RREB1: variants seen among roughly 807,000 people sequenced by gnomAD.
RREB1 encodes the protein ras-responsive element-binding protein 1.
In RREB1, 27 loss-of-function variants were observed where a neutral mutation model predicts 117.8. The observed-to-expected ratio is 0.23, with a 90% confidence interval of 0.17 to 0.32. The LOEUF (loss-of-function observed/expected upper bound fraction) is 0.32, where lower values mean the gene tolerates loss of function less well. RREB1 is among the 10% of genes least tolerant of loss of function. The probability of loss-of-function intolerance (pLI) is 1.00; values close to 1 mark genes in which losing one functional copy is unlikely to be tolerated. For missense variants in RREB1, 2,577 were observed against 2,378.2 expected (o/e 1.08, Z -1.74); for synonymous variants, 1,298 against 1,026.7 (o/e 1.26, Z -5.05).
intron 8 of RREB1, chr6:7,211,977 C>A (rs1441887488): frequency 2.3e-6 from 1 of 444,242 alleles, no homozygotes; most frequent in African/African-American, 2.0e-5. Flanking sequence ...AGCCCCTGAA[C>A]ACTGGGGAGT....
intron 1 of RREB1, among the ~76,000 whole-genome samples, chr6:7,135,743 C>T (rs1762323620): frequency 6.6e-6 from 1 of 152,180 alleles, no homozygotes; most frequent in Admixed American, 6.5e-5. Flanking sequence ...TTTTCAAAAA[C>T]ATTTAACATG....
chr6:7,153,413 T>TACACACACACACACACAC (rs57110705), intron 1 of RREB1, among the ~76,000 whole-genome samples: 2,980 of 145,740 alleles, frequency 0.02, 86 homozygotes, highest in African/African-American at 0.065. Flanking sequence ...AGTAGTGGTA[T>TACACACACACACACACAC]ACACACACAC....
At chr6:7,190,372 A>T (rs1417780786) in intron 6 of RREB1, among the ~76,000 whole-genome samples, 1 of 152,148 alleles carries the variant, frequency 6.6e-6, no homozygotes, top group African/African-American at 2.4e-5. Flanking sequence ...AAGGCTGAGG[A>T]TTCGGTGCTA....
chr6:7,144,647 T>G (rs1230090799), intron 1 of RREB1, among the ~76,000 whole-genome samples: 1 of 152,234 alleles, frequency 6.6e-6, no homozygotes, highest in Non-Finnish European at 1.5e-5. Flanking sequence ...TTCTATTTCT[T>G]TGTATTTTAG....
chr6:7,242,711 G>GGGA (rs56391728), intron 11 of RREB1, among the ~76,000 whole-genome samples: 1 of 150,696 alleles, frequency 6.6e-6, no homozygotes, highest in African/African-American at 2.5e-5. Context: ...GGGGGGGGGG[G>GGGA]AAGGAAATGA....
intron 6 of RREB1, among the ~76,000 whole-genome samples, chr6:7,203,251 C>T (rs1766084241): frequency 6.6e-6 from 1 of 152,166 alleles, no homozygotes; most frequent in African/African-American, 2.4e-5. Flanking sequence ...CAGTCATTAG[C>T]AAGAGAATGT....
intron 1 of RREB1, among the ~76,000 whole-genome samples, chr6:7,117,775 C>T (rs568852292): frequency 2.0e-4 from 30 of 152,086 alleles, no homozygotes; most frequent in Non-Finnish European, 4.0e-4. Flanking sequence ...CTCTATGTTG[C>T]TCATGCTGGT....
chr6:7,217,995 G>C (rs1767008677), intron 8 of RREB1: 1 of 151,996 alleles, frequency 6.6e-6, no homozygotes, highest in African/African-American at 2.4e-5. Context: ...CTTTAAATTT[G>C]GTTTGAGTCT....
chr6:7,235,839 C>T (rs577695185), intron 10 of RREB1, among the ~76,000 whole-genome samples: 3 of 152,342 alleles, frequency 2.0e-5, no homozygotes, highest in Non-Finnish European at 2.9e-5. Context: ...CAGTGTCCAA[C>T]GAGGGGTATA....
chr6:7,123,715 A>G (rs1761782074), intron 1 of RREB1, among the ~76,000 whole-genome samples: 1 of 138,408 alleles, frequency 7.2e-6, no homozygotes, highest in African/African-American at 2.7e-5. Context: ...GGTTCACACC[A>G]TTCTCCTGCC....
chr6:7,153,219 T>C (rs1258164634), intron 1 of RREB1, among the ~76,000 whole-genome samples: 2 of 151,472 alleles, frequency 1.3e-5, no homozygotes, highest in African/African-American at 4.9e-5. Flanking sequence ...AAAATGTTCC[T>C]AGATTAGTAG....
Position 7,231,122 on chromosome 6 carries a change from T to G in RREB1, c.3023T>G (p.Leu1008Arg), listed in dbSNP as rs1275083830. The part of the protein sequence containing the change: ...AATPEPPAQP[L>R]QGPVQLAVPI... ...ACCCCGGAACCCCCAGCACAGCCCC[T>G]GCAGGGCCCTGTTCAGCTGGCGGTC... Residue 1008 changes from leucine to arginine, a missense_variant, in exon 10 of 13, where the codon CTG becomes CGG. Leu to Arg is a moderately radical substitution (Grantham distance 102). Coordinates refer to ENST00000379938, the MANE Select transcript of RREB1 (RefSeq NM_001003699.4). 2 of 1,612,568 alleles carry G rather than the reference T, an allele frequency of 1.2e-6. No homozygotes were observed. Among genetic ancestry groups the G allele is most frequent in the Non-Finnish European group, 1.7e-6 (2 of 1,179,894 alleles).
intron 11 of RREB1, among the ~76,000 whole-genome samples, chr6:7,243,411 G>C (rs944646127): frequency 6.6e-6 from 1 of 152,192 alleles, no homozygotes. Context: ...AACACAAACC[G>C]AGGGACTGAT....
At chr6:7,220,149 G>C (rs1767158457) in intron 8 of RREB1, among the ~76,000 whole-genome samples, 1 of 152,196 alleles carries the variant, frequency 6.6e-6, no homozygotes, top group South Asian at 2.1e-4. Flanking sequence ...GTCATACAGG[G>C]GGTGGGGAAT....
chr6:7,226,129 A>G (rs538435996), intron 8 of RREB1, among the ~76,000 whole-genome samples: 5 of 152,296 alleles, frequency 3.3e-5, no homozygotes, highest in Middle Eastern at 3.4e-3. Flanking sequence ...GATCCCATTA[A>G]TGCCTGATCG....
chr6:7,161,799 A>G (rs1214570631), intron 1 of RREB1, among the ~76,000 whole-genome samples: 1 of 151,992 alleles, frequency 6.6e-6, no homozygotes. Flanking sequence ...TTCCTTCTCT[A>G]CAGCATTGCT....
At chr6:7,137,395 C>T (rs754064070) in intron 1 of RREB1, among the ~76,000 whole-genome samples, 9 of 152,242 alleles carry the variant, frequency 5.9e-5, no homozygotes, top group Non-Finnish European at 1.2e-4. Context: ...ACAGACAGAC[C>T]AAGCCCTGGT....
rs933048484 is a variant in RREB1 at position 7,249,343 on chromosome 6, C to G, written c.*375C>G. 5.1e-6 allele frequency: 1 copy of G among 197,684 alleles called. No individual in the cohort carries two copies. The highest frequency in any genetic ancestry group is 1.0e-5 in the Non-Finnish European group (1 of 98,124). The allele number at this position is 197,684 out of a possible 1,614,324, so 12.2% of individuals were successfully genotyped here. A position where few individuals can be genotyped will look rare whatever the true frequency, so the allele number is the denominator to read the frequency against. On this transcript the variant is annotated 3_prime_UTR_variant, in exon 13 of 13. Transcript: ENST00000379938. ...TTGTATTGGTGTGTGTGAGCTTGTT[C>G]TTGTGAATCTGTGATAGCACCGTTT...
At chr6:7,212,402 ATCTT>A (rs1766662528) in intron 8 of RREB1, 1 of 152,256 alleles carries the variant, frequency 6.6e-6, no homozygotes, top group Admixed American at 6.5e-5. Context: ...CAGGGGACTC[ATCTT>A]TCTTTCTTTA....
Sources: allele counts gnomAD v4.1 joint callset (sites outside exome capture counted in the v4.1 genomes callset), GRCh38; gene constraint gnomAD v4.1.1; transcripts MANE v1.5; gene names NCBI Gene and HGNC (gene_info 2026-07-23, HGNC 2026-07-21).